Variants in ADAMTSL1 observed in about 807,000 individuals in gnomAD.
ADAMTSL1 encodes ADAMTS like 1.
ADAMTSL1 carries 126 observed loss-of-function variants against 201.8 expected under a neutral mutation model. The ratio of observed to expected loss-of-function variants is 0.62; its 90% CI spans 0.54 to 0.72. The LOEUF (loss-of-function observed/expected upper bound fraction) is 0.72, where lower values mean the gene tolerates loss of function less well. Ranked by LOEUF, ADAMTSL1 falls within the 30% of genes least tolerant of loss-of-function variation. The pLI is 0.00. For synonymous variants in ADAMTSL1, 1,121 were observed against 903.4 expected (o/e 1.24, Z -4.32); for missense variants, 2,679 against 2,277.8 (o/e 1.18, Z -3.59).
chr9:18,774,143 A>T (rs1426393831), intron 17 of ADAMTSL1, among the ~76,000 whole-genome samples: 1 of 152,110 alleles, frequency 6.6e-6, no homozygotes, highest in Admixed American at 6.5e-5. Flanking sequence ...AAGCCTGGAG[A>T]TGACAGCCTC....
chr9:18,510,730 A>G (rs1817974901), intron 2 of ADAMTSL1, among the ~76,000 whole-genome samples: 1 of 151,920 alleles, frequency 6.6e-6, no homozygotes, highest in South Asian at 2.1e-4. Flanking sequence ...AGTATCGCTA[A>G]GTAGAATATA....
intron 7 of ADAMTSL1, 68 bp from the exon 8 acceptor site, chr9:18,657,571 C>G: frequency 2.5e-6 from 3 of 1,222,918 alleles, no homozygotes; most frequent in East Asian, 2.3e-5. Context: ...TACTCTTGTT[C>G]GAAGCTGCAA....
intron 2 of ADAMTSL1, among the ~76,000 whole-genome samples, chr9:18,461,381 T>A (rs963346448): frequency 9.8e-5 from 15 of 152,298 alleles, no homozygotes; most frequent in African/African-American, 3.6e-4. Flanking sequence ...ACAAAAATTG[T>A]ATGTATTTAT....
intron 1 of ADAMTSL1, among the ~76,000 whole-genome samples, chr9:18,011,469 G>A (rs1164696093): frequency 2.0e-5 from 3 of 152,000 alleles, no homozygotes. Context: ...GAGGATGGAA[G>A]ATGGCACGGA....
intron 25 of ADAMTSL1, among the ~76,000 whole-genome samples, 166 bp downstream of exon 25, chr9:18,889,914 A>T (rs1479200264): frequency 1.3e-5 from 2 of 152,022 alleles, no homozygotes; most frequent in Non-Finnish European, 2.9e-5. Context: ...CACCTTGCTG[A>T]AAATATCCTC....
chr9:18,546,015 C>CTA (rs1157182241), intron 3 of ADAMTSL1, among the ~76,000 whole-genome samples: 2 of 152,180 alleles, frequency 1.3e-5, no homozygotes, highest in Non-Finnish European at 2.9e-5. Flanking sequence ...GTGCTGGGTA[C>CTA]TATAAGCAAG....
At chr9:18,584,323 C>T (rs893894115) in intron 4 of ADAMTSL1, among the ~76,000 whole-genome samples, 10 of 151,476 alleles carry the variant, frequency 6.6e-5, no homozygotes, top group Admixed American at 5.3e-4. Flanking sequence ...CTTTTGTCTG[C>T]CACCATGTGA....
chr9:18,562,442 C>G (rs1821577320), intron 3 of ADAMTSL1, among the ~76,000 whole-genome samples: 1 of 152,148 alleles, frequency 6.6e-6, no homozygotes, highest in Non-Finnish European at 1.5e-5. Context: ...CTCTGGCTGC[C>G]CTTAACATTT....
Position 18,080,509 on chromosome 9 carries a change from G to T in ADAMTSL1, c.88-83353G>T, listed in dbSNP as rs535732245. The stretch of plus-strand genomic sequence containing the variant: ...TGTGCTAGAAAGGGTATGGACAGCA[G>T]CCAGGAAACCAGATTATTACGTATT... On this transcript the variant is annotated intron_variant, in intron 1 of 29. Coordinates refer to the ADAMTSL1 transcript ENST00000680146. 2.6e-5 allele frequency among the ~76,000 whole-genome samples: 4 copies of T among 152,324 alleles called. No homozygotes were observed. The South Asian group carries it at 8.3e-4, about 32-fold the overall frequency.
At chr9:18,425,990 G>T (rs932081075) in intron 2 of ADAMTSL1, among the ~76,000 whole-genome samples, 4 of 152,004 alleles carry the variant, frequency 2.6e-5, no homozygotes, top group African/African-American at 7.2e-5. Context: ...TCCCAGAAAA[G>T]TGCCAACCCG....
intron 14 of ADAMTSL1, among the ~76,000 whole-genome samples, chr9:18,708,083 C>G (rs998078175): frequency 1.3e-5 from 2 of 152,178 alleles, no homozygotes. Flanking sequence ...ATTCTGTTTT[C>G]TCAGCAAAGA....
intron 23 of ADAMTSL1, among the ~76,000 whole-genome samples, chr9:18,876,537 C>A (rs536736639): frequency 6.6e-6 from 1 of 152,076 alleles, no homozygotes; most frequent in Non-Finnish European, 1.5e-5. Context: ...ATACAAAATT[C>A]TTGGCTGATA....
chr9:17,915,057 T>A (rs1329311187), intron 1 of ADAMTSL1, among the ~76,000 whole-genome samples: 1 of 152,234 alleles, frequency 6.6e-6, no homozygotes, highest in East Asian at 1.9e-4. Context: ...TATTGAGGTA[T>A]AAATGGCATA....
intron 1 of ADAMTSL1, among the ~76,000 whole-genome samples, chr9:18,494,429 C>T (rs1822424793): frequency 6.6e-6 from 1 of 151,152 alleles, no homozygotes; most frequent in African/African-American, 2.4e-5. Flanking sequence ...ATGGCAGTGG[C>T]ATTGCATCTT....
At chr9:18,627,429 A>C (rs1017277726) in intron 5 of ADAMTSL1, among the ~76,000 whole-genome samples, 4 of 152,224 alleles carry the variant, frequency 2.6e-5, no homozygotes, top group African/African-American at 9.7e-5. Flanking sequence ...CCACAGACTA[A>C]GTGATTTAAA....
At chr9:18,107,138 C>T (rs964324964) in intron 1 of ADAMTSL1, among the ~76,000 whole-genome samples, 3 of 152,142 alleles carry the variant, frequency 2.0e-5, no homozygotes, top group African/African-American at 7.2e-5. Flanking sequence ...CTGCAGCACT[C>T]CATGCCTGTC....
At chr9:18,051,690 A>T (rs1441105940) in intron 1 of ADAMTSL1, among the ~76,000 whole-genome samples, 1 of 152,170 alleles carries the variant, frequency 6.6e-6, no homozygotes, top group Non-Finnish European at 1.5e-5. Context: ...CACAAATGAA[A>T]CAGATAAGAA....
At chr9:18,622,429 G>T in intron 5 of ADAMTSL1, 60 bp downstream of exon 5, 1 of 1,609,430 alleles carries the variant, frequency 6.2e-7, no homozygotes, top group Non-Finnish European at 8.5e-7. Flanking sequence ...CCTGGCTTAG[G>T]TCTGGCCCCA....
intron 2 of ADAMTSL1, among the ~76,000 whole-genome samples, chr9:18,424,497 A>C (rs999180167): frequency 5.3e-5 from 8 of 152,234 alleles, no homozygotes. Context: ...AAGTGAAAAC[A>C]AGTACTATGG....
Sources: allele counts gnomAD v4.1 joint callset (sites outside exome capture counted in the v4.1 genomes callset), GRCh38; gene constraint gnomAD v4.1.1; transcripts MANE v1.5; gene names NCBI Gene and HGNC (gene_info 2026-07-23, HGNC 2026-07-21).